VAT1L: variants seen among roughly 807,000 people sequenced by gnomAD.
VAT1L encodes putative NADPH-dependent quinone oxidoreductase VAT1L.
VAT1L carries 34 observed loss-of-function variants against 44.1 expected under a neutral mutation model. That is an observed-to-expected ratio of 0.77 (90% CI 0.59 to 1.03). VAT1L has a LOEUF of 1.03. Ranked by LOEUF, VAT1L falls within the 50% of genes least tolerant of loss-of-function variation. VAT1L has a pLI of 0.00. For synonymous variants in VAT1L, 253 were observed against 202.2 expected (o/e 1.25, Z -2.13); for missense variants, 615 against 538.8 (o/e 1.14, Z -1.40).
intron 4 of VAT1L, among the ~76,000 whole-genome samples, chr16:77,868,063 A>T (rs2016993878): frequency 6.6e-6 from 1 of 152,168 alleles, no homozygotes; most frequent in Non-Finnish European, 1.5e-5. Context: ...TAATACACCT[A>T]ACCTACTGAA....
chr16:77,903,637 G>A (rs1037168750), intron 7 of VAT1L, among the ~76,000 whole-genome samples: 11 of 151,862 alleles, frequency 7.2e-5, no homozygotes, highest in South Asian at 2.1e-4. Flanking sequence ...TTTGGAGATC[G>A]CCTTGGGTGT....
At chr16:77,888,107 C>A (rs12449148) in intron 7 of VAT1L, among the ~76,000 whole-genome samples, 1 of 152,160 alleles carries the variant, frequency 6.6e-6, no homozygotes, top group East Asian at 1.9e-4. Context: ...AGGTCTCAGC[C>A]TCAGTATGAC....
rs376168656 is a variant in VAT1L at position 77,860,733 on chromosome 16, C to T, written c.580-2015C>T. ...TAGTCCTCTCTTTGCTTTATAAAAT[C>T]TAGAAGGCAGGAGAATTAAACAAGT... On this transcript the variant is annotated intron_variant, in intron 3 of 8. Transcript: ENST00000302536. Among the ~76,000 whole-genome samples the T allele has an allele frequency of 8.7e-4, 133 of 152,262 alleles. No individual in the cohort carries two copies. In the Middle Eastern group the frequency reaches 0.01, roughly 12 times the overall value.
intron 1 of VAT1L, among the ~76,000 whole-genome samples, chr16:77,808,324 G>A (rs150684531): frequency 1.0e-3 from 152 of 152,026 alleles, no homozygotes; most frequent in African/African-American, 3.1e-3. Flanking sequence ...TGGGACCGTC[G>A]AGTTGTAGGA....
intron 3 of VAT1L, among the ~76,000 whole-genome samples, chr16:77,833,568 C>A (rs1335481978): frequency 6.6e-6 from 1 of 151,764 alleles, no homozygotes; most frequent in East Asian, 1.9e-4. Context: ...CTGGCCAACA[C>A]GGTGAAACCC....
intron 7 of VAT1L, among the ~76,000 whole-genome samples, chr16:77,926,059 G>A (rs911175890): frequency 4.0e-5 from 6 of 150,102 alleles, no homozygotes; most frequent in Admixed American, 1.3e-4. Flanking sequence ...TCAGGAGATC[G>A]AGACCATCCT....
intron 1 of VAT1L, among the ~76,000 whole-genome samples, chr16:77,793,749 A>G (rs1400336705): frequency 1.3e-5 from 2 of 152,218 alleles, no homozygotes; most frequent in African/African-American, 2.4e-5. Flanking sequence ...CCAGCCAGTC[A>G]TGGTTCCATT....
At chr16:77,933,904 C>T (rs1024337674) in intron 7 of VAT1L, among the ~76,000 whole-genome samples, 1 of 152,124 alleles carries the variant, frequency 6.6e-6, no homozygotes, top group Non-Finnish European at 1.5e-5. Context: ...GAGGCACAAT[C>T]GGGAATCTGG....
At chr16:77,904,359 A>G (rs2017418052) in intron 7 of VAT1L, among the ~76,000 whole-genome samples, 1 of 152,146 alleles carries the variant, frequency 6.6e-6, no homozygotes, top group African/African-American at 2.4e-5. Context: ...ATAACAAAAT[A>G]TCAAAGACTG....
chr16:77,967,372 G>A (rs965811615), intron 7 of VAT1L, among the ~76,000 whole-genome samples: 2 of 152,202 alleles, frequency 1.3e-5, no homozygotes, highest in Admixed American at 6.5e-5. Context: ...CTTGGTGTGT[G>A]TGGATAAAAG....
At chr16:77,911,035 C>T (rs150408709) in intron 7 of VAT1L, among the ~76,000 whole-genome samples, 1 of 152,170 alleles carries the variant, frequency 6.6e-6, no homozygotes, top group Admixed American at 6.5e-5. Context: ...TGCTTGTAAC[C>T]ACTACATGCA....
intron 7 of VAT1L, among the ~76,000 whole-genome samples, chr16:77,940,059 A>G (rs1290822517): frequency 1.3e-5 from 2 of 152,198 alleles, no homozygotes; most frequent in Non-Finnish European, 2.9e-5. Flanking sequence ...GAGAAAGAAA[A>G]TGGACATTCC....
intron 7 of VAT1L, among the ~76,000 whole-genome samples, chr16:77,939,708 C>T (rs2017854222): frequency 6.6e-6 from 1 of 152,112 alleles, no homozygotes; most frequent in African/African-American, 2.4e-5. Context: ...ACAGTAGTGA[C>T]TTGAAGGAAT....
chr16:77,821,954 A>T (rs2145243005), intron 2 of VAT1L, among the ~76,000 whole-genome samples: 1 of 152,320 alleles, frequency 6.6e-6, no homozygotes, highest in African/African-American at 2.4e-5. Context: ...ATACAAAAGC[A>T]TAAGGGTGTG....
At chr16:77,832,690 T>C (rs534092463) in intron 3 of VAT1L, among the ~76,000 whole-genome samples, 22 of 152,232 alleles carry the variant, frequency 1.4e-4, no homozygotes, top group Non-Finnish European at 2.9e-4. Context: ...TTAAATTCTA[T>C]TCGTTATGGA....
intron 7 of VAT1L, among the ~76,000 whole-genome samples, chr16:77,891,503 G>T (rs2017265701): frequency 6.6e-6 from 1 of 152,144 alleles, no homozygotes; most frequent in Non-Finnish European, 1.5e-5. Context: ...TTTTGGGGAG[G>T]TAGGAAAAAC....
intron 7 of VAT1L, among the ~76,000 whole-genome samples, chr16:77,891,247 G>A (rs985346442): frequency 2.0e-5 from 3 of 151,812 alleles, no homozygotes; most frequent in South Asian, 2.1e-4. Context: ...CCAGCTACTC[G>A]GGAGGCTGAG....
At chr16:77,809,506 C>G (rs553895114) in intron 1 of VAT1L, among the ~76,000 whole-genome samples, 41 of 152,194 alleles carry the variant, frequency 2.7e-4, no homozygotes, top group African/African-American at 8.4e-4. Flanking sequence ...CTCAAGTGGT[C>G]CTTTGCAACC....
intron 7 of VAT1L, among the ~76,000 whole-genome samples, chr16:77,886,795 T>C (rs1288585572): frequency 6.6e-6 from 1 of 152,196 alleles, no homozygotes; most frequent in Non-Finnish European, 1.5e-5. Flanking sequence ...GGAGACTTAG[T>C]TTCCACAGAG....
Sources: gnomAD v4.1 joint callset for allele counts (sites outside exome capture counted in the v4.1 genomes callset) on GRCh38, gnomAD v4.1.1 for gene constraint, MANE v1.5 for transcripts, NCBI Gene and HGNC (gene_info 2026-07-23, HGNC 2026-07-21) for gene names.